Variants in CHTF8 observed in about 807,000 individuals in gnomAD.
CHTF8 encodes chromosome transmission fidelity protein 8 homolog.
Under a neutral mutation model 11.0 loss-of-function variants are expected in CHTF8, and 6 were observed. The observed-to-expected ratio is 0.55, with a 90% CI of 0.30 to 1.08. The LOEUF (loss-of-function observed/expected upper bound fraction) is 1.08, where lower values mean the gene tolerates loss of function less well. Among genes scored for constraint, CHTF8 ranks in the 50% least tolerant of loss-of-function variants. CHTF8 has a pLI of 0.07. For synonymous variants in CHTF8, 53 were observed against 60.5 expected, an observed-to-expected ratio of 0.88 and a Z score of 0.57; for missense variants, 140 against 153.1, an observed-to-expected ratio of 0.91 and a Z score of 0.45.
chr16:69,130,071 C>T (rs919070462), intron 1 of CHTF8, among the ~76,000 whole-genome samples: 1 of 152,124 alleles, frequency 6.6e-6, no homozygotes, highest in Non-Finnish European at 1.5e-5. Flanking sequence ...TAATTCTTAC[C>T]CTCTGGTCTC....
intron 1 of CHTF8, among the ~76,000 whole-genome samples, chr16:69,129,262 C>G (rs1470000424): frequency 6.6e-6 from 1 of 151,520 alleles, no homozygotes; most frequent in Non-Finnish European, 1.5e-5. Flanking sequence ...AACCCCCTCT[C>G]CAGTAAAAAT....
Position 69,121,490 on chromosome 16 carries a change from C to CAAGCTGTAGAGAGAAAAAA in CHTF8, c.-35-16_-33dup. The CAAGCTGTAGAGAGAAAAAA allele has an allele frequency of 1.3e-6, 2 of 1,587,996 alleles. No homozygotes were observed. Among genetic ancestry groups the CAAGCTGTAGAGAGAAAAAA allele is most frequent in the Non-Finnish European group, 1.7e-6 (2 of 1,166,254 alleles). ...TCTGTCTTTAAAAAGCAAGTGAAAA[C>CAAGCTGTAGAGAGAAAAAA]AAGCTGTAGAGAGAAAAAAAGAGAT... On this transcript the variant is annotated 5_prime_UTR_variant, in exon 2 of 4. Coordinates refer to ENST00000448552, the MANE Select transcript of CHTF8 (RefSeq NM_001039690.5).
At position 69,118,451 on chromosome 16, in the gene CHTF8, AGAGAGCAGTGAGCT is replaced by A. The variant is rs1278932610; in HGVS notation, c.*1960_*1973del. On this transcript the variant is annotated 3_prime_UTR_variant, in exon 4 of 4. Transcript: ENST00000448552. ...GTCCGTTCACCAACGCCACGTTTCT[AGAGAGCAGTGAGCT>A]GATTCTCCAATGGTGAGCAGGGGAC... is the stretch of plus-strand genomic sequence containing the variant. 50 of 1,604,202 alleles carry A rather than the reference AGAGAGCAGTGAGCT, an allele frequency of 3.1e-5. No individual in the cohort carries two copies. Among genetic ancestry groups the A allele is most frequent in the Non-Finnish European group, 4.1e-5 (48 of 1,171,072 alleles).
intron 1 of CHTF8, among the ~76,000 whole-genome samples, chr16:69,127,657 T>C (rs1962170849): frequency 6.8e-6 from 1 of 147,372 alleles, no homozygotes; most frequent in African/African-American, 2.5e-5. Flanking sequence ...TTGCCCAGGC[T>C]GGAGTGCAGT....
In CHTF8 at chr16:69,120,439, G is replaced by A. The variant is rs1282632298; in HGVS notation, c.352C>T (p.Pro118Ser). The A allele has an allele frequency of 1.2e-6, 2 of 1,614,120 alleles. No homozygotes were observed. The highest frequency in any genetic ancestry group is 1.1e-5 in the South Asian group (1 of 91,076). Residue 118 changes from proline (P) to serine (S), a missense_variant, in exon 4 of 4, where the codon CCC (proline) becomes TCC (serine). Transcript: ENST00000448552. This position sits in a 1 kb window ranked among gnomAD's most constrained non-coding sequence, Gnocchi z 4.0. ...CCGAGGTTCTTTCATACTTTCTTGG[G>A]GACGCTGGTGATAATGGGCTTGGGG... ...TRPKPIITSVPKKV is the reference protein window; with the variant it reads ...TRPKPIITSVSKKV
At chr16:69,127,235 G>A (rs1479495702) in intron 1 of CHTF8, among the ~76,000 whole-genome samples, 2 of 147,212 alleles carry the variant, frequency 1.4e-5, no homozygotes, top group Admixed American at 1.4e-4. Flanking sequence ...GCAAAACTCC[G>A]TCTCAAAAAA....
intron 1 of CHTF8, among the ~76,000 whole-genome samples, chr16:69,127,579 A>T (rs1306366270): frequency 6.7e-6 from 1 of 149,914 alleles, no homozygotes; most frequent in Non-Finnish European, 1.5e-5. Flanking sequence ...AAAGAGAGTC[A>T]GTGGAAGAGC....
intron 1 of CHTF8, among the ~76,000 whole-genome samples, chr16:69,129,019 G>A (rs1962293350): frequency 1.3e-5 from 2 of 151,706 alleles, no homozygotes; most frequent in African/African-American, 4.8e-5. Context: ...AGCCGAGACT[G>A]TGCCACTGCA....
chr16:69,130,954 T>C (rs559917928), intron 1 of CHTF8, among the ~76,000 whole-genome samples: 83 of 152,232 alleles, frequency 5.5e-4, no homozygotes, highest in Non-Finnish European at 9.1e-4. Flanking sequence ...TATGTCTCTA[T>C]GTGCCTTTCT....
Position 69,119,991 on chromosome 16 carries a change from C to T in CHTF8, c.*434G>A. The T allele has an allele frequency of 2.9e-6, 2 of 696,592 alleles. No homozygotes were observed. The highest frequency in any genetic ancestry group is 5.3e-6 in the Non-Finnish European group (2 of 380,302). 43.2% of individuals were successfully genotyped at this position (696,592 alleles called of 1,614,324 possible). On this transcript the variant is annotated 3_prime_UTR_variant, in exon 4 of 4. Coordinates refer to ENST00000448552, the MANE Select transcript of CHTF8 (RefSeq NM_001039690.5). Reference sequence around the variant, plus strand: ...GACCTGGTCCTGGGAGACCCCCTAACCTGGGGTTAGACAGAGGCCCTGGGC... The same window carrying T: ...GACCTGGTCCTGGGAGACCCCCTAATCTGGGGTTAGACAGAGGCCCTGGGC...
intron 2 of CHTF8, 110 bp from the exon 3 acceptor site, chr16:69,121,280 T>C (rs1961634855): frequency 2.4e-6 from 3 of 1,267,724 alleles, no homozygotes; most frequent in Admixed American, 4.0e-5. Context: ...TGTCAAGTTC[T>C]TGGGAAATTG....
chr16:69,120,490 T>C lies in CHTF8; in HGVS notation c.301A>G (p.Lys101Glu). Residue 101 changes from lysine (K) to glutamate (E), a missense_variant, in exon 4 of 4, where the codon AAA (lysine) becomes GAA (glutamate). Physicochemically the swap from Lys to Glu is moderately conservative, Grantham distance 56. Coordinates refer to ENST00000448552, the MANE Select transcript of CHTF8 (RefSeq NM_001039690.5). This position sits in a 1 kb window ranked among gnomAD's most constrained non-coding sequence, Gnocchi z 4.0. ...CGGGTTTTGAAAAGGATCTTGTCTT[T>C]GATGAGTGCTGTCACCAGGTACCGG... ...GTRYLVTALI[K>E]DKILFKTRPK... 1.2e-6 allele frequency: 2 copies of C among 1,614,136 alleles called. No individual in the cohort carries two copies. Among genetic ancestry groups the C allele is most frequent in the Non-Finnish European group, 1.7e-6 (2 of 1,180,018 alleles).
chr16:69,121,145 A>C lies in CHTF8; in HGVS notation c.49T>G (p.Trp17Gly). Reference sequence around the variant, plus strand: ...TCCCCCTGTAGCTCCATCAGCACCCATTCTGCCAGGCCTCCAGCCCTCGCA... The same window carrying C: ...TCCCCCTGTAGCTCCATCAGCACCCCTTCTGCCAGGCCTCCAGCCCTCGCA... ...SSARAGGLAE[W>G]VLMELQGEIE... The change falls in exon 3 of 4, where the codon TGG becomes GGG. Residue 17 changes from tryptophan (W) to glycine (G), a missense_variant. Coordinates refer to ENST00000448552, the MANE Select transcript of CHTF8 (RefSeq NM_001039690.5). 6.2e-7 allele frequency: 1 copy of C among 1,613,306 alleles called. No homozygotes were observed. Among genetic ancestry groups the C allele is most frequent in the Non-Finnish European group, 8.5e-7 (1 of 1,179,964 alleles).
chr16:69,131,300 T>C (rs572181599), intron 1 of CHTF8: 2 of 152,268 alleles, frequency 1.3e-5, no homozygotes, highest in East Asian at 3.9e-4. Flanking sequence ...CAATTACTGG[T>C]ATTTGTAGCA....
intron 2 of CHTF8, 102 bp downstream of exon 2, chr16:69,121,334 G>C: frequency 8.0e-7 from 1 of 1,248,746 alleles, no homozygotes. Flanking sequence ...GCAAGGATTT[G>C]TACAAGATGC....
chr16:69,129,089 CA>C (rs768378198), intron 1 of CHTF8, among the ~76,000 whole-genome samples: 7 of 144,446 alleles, frequency 4.8e-5, no homozygotes, highest in East Asian at 4.0e-4. Flanking sequence ...TGAAACAAAA[CA>C]AAAAAAAAAC....
Position 69,120,978 on chromosome 16 carries a change from C to G in CHTF8, c.141+75G>C. On this transcript the variant is annotated intron_variant, in intron 3 of 3. Transcript: ENST00000448552. This position sits in a 1 kb window ranked among gnomAD's most constrained non-coding sequence, Gnocchi z 4.0. ...TAACAAACCTGAGGCAGTCCTCACT[C>G]TGGGTCCTGGGAGCACCACCTTGGT... is the stretch of plus-strand genomic sequence containing the variant. 1 of 1,261,012 alleles carries G rather than the reference C, an allele frequency of 7.9e-7. No homozygotes were observed. Among genetic ancestry groups the G allele is most frequent in the Non-Finnish European group, 1.2e-6 (1 of 857,432 alleles). 78.1% of individuals were successfully genotyped at this position (1,261,012 alleles called of 1,614,324 possible). A position where few individuals can be genotyped will look rare whatever the true frequency, so the allele number is the denominator to read the frequency against.
At chr16:69,126,341 G>A (rs938161491) in intron 1 of CHTF8, among the ~76,000 whole-genome samples, 3 of 152,214 alleles carry the variant, frequency 2.0e-5, no homozygotes, top group African/African-American at 7.2e-5. Flanking sequence ...GTTCTGAACA[G>A]GAATTCAGAA....
At position 69,118,521 on chromosome 16, in the gene CHTF8, T is replaced by C. The variant is rs775897961; in HGVS notation, c.*1904A>G. On this transcript the variant is annotated 3_prime_UTR_variant, in exon 4 of 4. Transcript: ENST00000448552. ...GTGAACTGGGACCTGCAGGCCAATG[T>C]ATCCCTGAGGAAAAGTCCACAAGAA... 1.6e-4 allele frequency: 161 copies of C among 994,698 alleles called. No individual in the cohort carries two copies. Among genetic ancestry groups the C allele is most frequent in the Non-Finnish European group, 1.1e-4 (69 of 615,330 alleles). The allele number at this position is 994,698 out of a possible 1,614,324, so 61.6% of individuals were successfully genotyped here. A position where few individuals can be genotyped will look rare whatever the true frequency, so the allele number is the denominator to read the frequency against.
Sources: allele counts gnomAD v4.1 joint callset (sites outside exome capture counted in the v4.1 genomes callset), GRCh38; gene constraint gnomAD v4.1.1; non-coding constraint Gnocchi (gnomAD v3.1); transcripts MANE v1.5; gene names NCBI Gene and HGNC (gene_info 2026-07-23, HGNC 2026-07-21).